PEMT: variants seen among roughly 807,000 people sequenced by gnomAD.
PEMT encodes phosphatidylethanolamine N-methyltransferase, also known as phospholipid methyltransferase.
PEMT carries 23 observed loss-of-function variants against 27.4 expected under a neutral mutation model. That is an observed-to-expected ratio of 0.84 (90% CI 0.60 to 1.19). PEMT has a LOEUF of 1.19. Among genes scored for constraint, PEMT ranks in the 50% most tolerant of loss-of-function variants. PEMT has a pLI of 0.00. For missense variants in PEMT, 307 were observed against 310.1 expected, an observed-to-expected ratio of 0.99 and a Z score of 0.07; for synonymous variants, 137 against 139.1, an observed-to-expected ratio of 0.98 and a Z score of 0.11.
chr17:17,587,251 G>A (rs1017140688), intron 1 of PEMT, among the ~76,000 whole-genome samples: 1 of 151,770 alleles, frequency 6.6e-6, no homozygotes, highest in African/African-American at 2.4e-5. Flanking sequence ...ATAAAAGGGG[G>A]GACTTCTCTA....
At chr17:17,551,244 G>T (rs780134474) in intron 2 of PEMT, among the ~76,000 whole-genome samples, 4 of 152,218 alleles carry the variant, frequency 2.6e-5, no homozygotes, top group Non-Finnish European at 4.4e-5. Context: ...CCGGAAAGGG[G>T]TTCAGGGGAA....
At chr17:17,578,441 G>A (rs1451813739) in intron 1 of PEMT, among the ~76,000 whole-genome samples, 1 of 151,832 alleles carries the variant, frequency 6.6e-6, no homozygotes, top group Non-Finnish European at 1.5e-5. Flanking sequence ...CGAGGCTGTA[G>A]TGAGCTGTGA....
intron 2 of PEMT, among the ~76,000 whole-genome samples, chr17:17,547,957 G>A (rs373165813): frequency 1.3e-5 from 2 of 152,168 alleles, no homozygotes; most frequent in South Asian, 2.1e-4. Flanking sequence ...AAGAAAATTG[G>A]AAAACACAGA....
chr17:17,541,779 C>A lies in PEMT; in HGVS notation c.205-19384G>T, dbSNP rs1359919964. Reference sequence around the variant, plus strand: ...CCCAGGGTGTCTGCAGCCAGCACAGCTGTGGCCTGGGCTGCCAAGGCAGAA... The same window carrying A: ...CCCAGGGTGTCTGCAGCCAGCACAGATGTGGCCTGGGCTGCCAAGGCAGAA... On this transcript the variant is annotated intron_variant, in intron 2 of 6. Coordinates refer to ENST00000255389, the MANE Select transcript of PEMT (RefSeq NM_148172.3). Among the ~76,000 whole-genome samples the A allele has an allele frequency of 2.6e-5, 4 of 152,372 alleles. No individual in the cohort carries two copies. In the South Asian group the frequency reaches 6.2e-4, roughly 24 times the overall value.
chr17:17,577,113 G>T, intron 1 of PEMT, 86 bp from the exon 2 acceptor site: 1 of 951,894 alleles, frequency 1.1e-6, no homozygotes. Flanking sequence ...TTACCCTCTG[G>T]GAACACACTG....
At chr17:17,517,000 G>C (rs1326672139) in intron 3 of PEMT, among the ~76,000 whole-genome samples, 1 of 152,184 alleles carries the variant, frequency 6.6e-6, no homozygotes, top group African/African-American at 2.4e-5. Flanking sequence ...CCCTGGGTAG[G>C]CCTTTCCAAA....
At chr17:17,553,637 A>G (rs1254633857) in intron 2 of PEMT, among the ~76,000 whole-genome samples, 1 of 151,766 alleles carries the variant, frequency 6.6e-6, no homozygotes, top group East Asian at 1.9e-4. Flanking sequence ...CTGACCCAGC[A>G]CCCCCTGCTC....
chr17:17,554,253 G>C (rs1208520369), intron 2 of PEMT, among the ~76,000 whole-genome samples: 1 of 152,248 alleles, frequency 6.6e-6, no homozygotes, highest in Non-Finnish European at 1.5e-5. Context: ...CAGCCACAAG[G>C]CAGTGGGAGG....
At chr17:17,531,726 TATATAA>T (rs1438594982) in intron 2 of PEMT, among the ~76,000 whole-genome samples, 2 of 150,378 alleles carry the variant, frequency 1.3e-5, no homozygotes, top group African/African-American at 4.9e-5. Flanking sequence ...CCTAAATCTA[TATATAA>T]ATATATCAAT....
Position 17,555,931 on chromosome 17 carries a change from C to G in PEMT, c.204+20989G>C, listed in dbSNP as rs528450749. Among the ~76,000 whole-genome samples, 7 of 152,374 alleles carry G rather than the reference C, an allele frequency of 4.6e-5. No homozygotes were observed. In the South Asian group the frequency reaches 1.4e-3, roughly 32 times the overall value. ...TCTCCCTCTGCCTGGGAAGAGCCAG[C>G]AGGCTTGAATGCTCCGCTCCTTTCA... On this transcript the variant is annotated intron_variant, in intron 2 of 6. Transcript: ENST00000255389.
intron 2 of PEMT, among the ~76,000 whole-genome samples, chr17:17,540,571 C>A (rs999237326): frequency 6.6e-6 from 1 of 152,184 alleles, no homozygotes; most frequent in African/African-American, 2.4e-5. Context: ...CCAGAACCCG[C>A]GTCTACTTGA....
At chr17:17,566,363 C>T (rs1910828637) in intron 2 of PEMT, among the ~76,000 whole-genome samples, 1 of 152,198 alleles carries the variant, frequency 6.6e-6, no homozygotes, top group African/African-American at 2.4e-5. Context: ...CAGGGTTCCT[C>T]CTCCAGGAAA....
At position 17,525,487 on chromosome 17, in the gene PEMT, C is replaced by T. The variant is rs535400671; in HGVS notation, c.205-3092G>A. 6.6e-5 allele frequency among the ~76,000 whole-genome samples: 10 copies of T among 152,304 alleles called. No individual in the cohort carries two copies. In the East Asian group the frequency reaches 1.2e-3, roughly 18 times the overall value. On this transcript the variant is annotated intron_variant, in intron 2 of 6. Coordinates refer to ENST00000255389, the MANE Select transcript of PEMT (RefSeq NM_148172.3). ...GTTTCATCCAACAATGAGCGGGTGCCGGACGCAGTCGCCTCCCAGGGCCAT... is the reference window on the plus strand; with the variant it reads ...GTTTCATCCAACAATGAGCGGGTGCTGGACGCAGTCGCCTCCCAGGGCCAT...
intron 1 of PEMT, among the ~76,000 whole-genome samples, chr17:17,579,850 C>T (rs1005867192): frequency 5.9e-5 from 9 of 152,212 alleles, no homozygotes; most frequent in African/African-American, 1.7e-4. Flanking sequence ...AAAGCCACTC[C>T]GCAAATGGCG....
Position 17,563,165 on chromosome 17 carries a change from C to T in PEMT, c.204+13755G>A, listed in dbSNP as rs768562471. Among the ~76,000 whole-genome samples the T allele has an allele frequency of 3.3e-5, 5 of 152,266 alleles. No homozygotes were observed. The East Asian group carries it at 7.7e-4, about 24-fold the overall frequency. ...TGCAGGAAGCCCCAGCCTGAGGAGC[C>T]GGCAGACTAAGAGCCCCTGAGGCCC... On this transcript the variant is annotated intron_variant, in intron 2 of 6. Transcript: ENST00000255389.
chr17:17,511,938 C>T (rs915161024), intron 4 of PEMT, among the ~76,000 whole-genome samples: 3 of 152,278 alleles, frequency 2.0e-5, no homozygotes, highest in East Asian at 3.9e-4. Context: ...ACTGGGCTCA[C>T]AGCCTGAAAG....
At chr17:17,579,743 C>G (rs1184790067) in intron 1 of PEMT, among the ~76,000 whole-genome samples, 2 of 152,186 alleles carry the variant, frequency 1.3e-5, no homozygotes, top group Admixed American at 1.3e-4. Context: ...TGACATAGGA[C>G]CAAAGGTGCA....
In PEMT at chr17:17,522,371, G is replaced by C; in HGVS notation, c.229C>G (p.Arg77Gly). Reference protein sequence around the residue: ...NVVARWEHKTRKLSRAFGSPY... With the variant: ...NVVARWEHKTGKLSRAFGSPY... ...GATCCGAAGGCCCTGCTCAGCTTGC[G>C]GGTCTTGTGTTCCCATCGTGCAACC... Residue 77 changes from arginine (R) to glycine (G), a missense_variant, in exon 3 of 7, where the codon CGC (arginine) becomes GGC (glycine). By Grantham distance (125) the Arg-to-Gly change is moderately radical (BLOSUM62 -2). Coordinates refer to ENST00000255389, the MANE Select transcript of PEMT (RefSeq NM_148172.3). The C allele has an allele frequency of 1.2e-6, 2 of 1,613,598 alleles. No homozygotes were observed. Among genetic ancestry groups the C allele is most frequent in the Non-Finnish European group, 1.7e-6 (2 of 1,179,714 alleles).
At chr17:17,529,532 C>G (rs1160770303) in intron 2 of PEMT, among the ~76,000 whole-genome samples, 1 of 152,198 alleles carries the variant, frequency 6.6e-6, no homozygotes, top group African/African-American at 2.4e-5. Flanking sequence ...CAAGCTCTCG[C>G]CCTGCAGTGA....
Sources: allele counts gnomAD v4.1 joint callset (sites outside exome capture counted in the v4.1 genomes callset), GRCh38; gene constraint gnomAD v4.1.1; transcripts MANE v1.5; gene names NCBI Gene and HGNC (gene_info 2026-07-23, HGNC 2026-07-21).